Variants in C4orf17 observed in about 807,000 individuals in gnomAD.
C4orf17 encodes uncharacterized protein C4orf17.
In C4orf17, 25 loss-of-function variants were observed where a neutral mutation model predicts 32.0. The ratio of observed to expected loss-of-function variants is 0.78; its 90% confidence interval spans 0.57 to 1.09. C4orf17 has a LOEUF of 1.09. Among genes scored for constraint, C4orf17 ranks in the 50% least tolerant of loss-of-function variants. The pLI is 0.00. For synonymous variants in C4orf17, 149 were observed against 145.8 expected (o/e 1.02, Z -0.16); for missense variants, 420 against 420.0 (o/e 1.00, Z 0.00).
intron 5 of C4orf17, among the ~76,000 whole-genome samples, chr4:99,530,907 C>T (rs1723467644): frequency 6.6e-6 from 1 of 152,084 alleles, no homozygotes; most frequent in South Asian, 2.1e-4. Flanking sequence ...TTCAGAACCA[C>T]TGTTTCACCT....
chr4:99,512,002 G>A (rs2110163424), intron 1 of C4orf17, among the ~76,000 whole-genome samples: 1 of 152,210 alleles, frequency 6.6e-6, no homozygotes, highest in Non-Finnish European at 1.5e-5. Flanking sequence ...TACAGTCTAA[G>A]TATATAGCAT....
At chr4:99,540,617 T>A (rs371225392) in intron 8 of C4orf17, 162 bp downstream of exon 8, 6 of 546,914 alleles carry the variant, frequency 1.1e-5, no homozygotes, top group African/African-American at 9.6e-5. Context: ...TACTTTCTCA[T>A]AAAGATAAAT....
intron 4 of C4orf17, among the ~76,000 whole-genome samples, chr4:99,529,611 A>G (rs1435746540): frequency 1.3e-5 from 2 of 152,192 alleles, no homozygotes; most frequent in Non-Finnish European, 2.9e-5. Flanking sequence ...GTTTAAAATG[A>G]TTTCATCAAA....
chr4:99,525,602 G>C (rs1723373833), intron 4 of C4orf17, among the ~76,000 whole-genome samples: 1 of 152,044 alleles, frequency 6.6e-6, no homozygotes, highest in Non-Finnish European at 1.5e-5. Context: ...AGACCATCCT[G>C]GCCAACATGG....
chr4:99,530,522 C>T (rs539364833), intron 5 of C4orf17, among the ~76,000 whole-genome samples: 1 of 130,576 alleles, frequency 7.7e-6, no homozygotes, highest in South Asian at 2.5e-4. Flanking sequence ...TATTTGTCAT[C>T]TGCCATTTTT....
intron 5 of C4orf17, among the ~76,000 whole-genome samples, chr4:99,531,806 C>T (rs1476512440): frequency 3.9e-5 from 6 of 152,130 alleles, no homozygotes; most frequent in South Asian, 2.1e-4. Flanking sequence ...AAAAGAGCCC[C>T]GGAAATACTG....
chr4:99,533,255 G>C (rs1376645250), intron 5 of C4orf17, among the ~76,000 whole-genome samples: 1 of 152,174 alleles, frequency 6.6e-6, no homozygotes, highest in East Asian at 1.9e-4. Flanking sequence ...ACAATATGCA[G>C]ATTAATTTGG....
In C4orf17 at chr4:99,539,154, T is replaced by G. The variant is rs1035500717; in HGVS notation, c.629-9T>G. 12 of 1,613,088 alleles carry G rather than the reference T, an allele frequency of 7.4e-6. No homozygotes were observed. In the Admixed American group the frequency reaches 2.0e-4, roughly 27 times the overall value. Reference sequence around the variant, plus strand: ...CACTCCTCCCACCCTTTTTTGTCTTTTAAACCAGAAAAAGAGTGGGTCTCA... The same window carrying G: ...CACTCCTCCCACCCTTTTTTGTCTTGTAAACCAGAAAAAGAGTGGGTCTCA... On this transcript the variant is annotated splice_polypyrimidine_tract_variant and intron_variant, in intron 6 of 8. Transcript: ENST00000326581.
intron 2 of C4orf17, among the ~76,000 whole-genome samples, chr4:99,515,762 T>A (rs1723170386): frequency 6.6e-6 from 1 of 150,484 alleles, no homozygotes; most frequent in African/African-American, 2.5e-5. Context: ...CCAAAAACAT[T>A]GAAATAAAAA....
intron 2 of C4orf17, among the ~76,000 whole-genome samples, chr4:99,514,163 G>A (rs774522029): frequency 1.5e-4 from 23 of 152,048 alleles, no homozygotes; most frequent in Admixed American, 1.4e-3. Context: ...GACAGAAAAA[G>A]TGATAATAAA....
rs1263042798 is a variant in C4orf17, at chr4:99,524,524, C to T, written c.341C>T (p.Pro114Leu). The T allele has an allele frequency of 1.9e-6, 3 of 1,586,646 alleles. No homozygotes were observed. Among genetic ancestry groups the T allele is most frequent in the Non-Finnish European group, 2.6e-6 (3 of 1,157,700 alleles). The change falls in exon 4 of 9, where the codon CCC becomes CTC. Residue 114 changes from proline to leucine, a missense_variant. Transcript: ENST00000326581. ...AKVPPRPHSE[P>L]SRKIKECFKT... ...TTTTTCCTCAATTTTATTTCAGAGCCCAGTAGAAAAATTAAAGAGTGCTTC... is the reference window on the plus strand; with the variant it reads ...TTTTTCCTCAATTTTATTTCAGAGCTCAGTAGAAAAATTAAAGAGTGCTTC...
In C4orf17 at chr4:99,531,506, G is replaced by A. The variant is rs114936528; in HGVS notation, c.546+1548G>A. ...TGATCCTATAGAGCTGGCTTTCTGG[G>A]CATCTATGAAAGAGCCCTCCTCTCA... On this transcript the variant is annotated intron_variant, in intron 5 of 8. Transcript: ENST00000326581. Among the ~76,000 whole-genome samples, 815 of 152,176 alleles carry A rather than the reference G, an allele frequency of 5.4e-3. 5 individuals are homozygous for A. Among genetic ancestry groups the A allele is most frequent in the Non-Finnish European group, 8.9e-3 (606 of 67,956 alleles).
At position 99,513,226 on chromosome 4, in the gene C4orf17, C is replaced by G; in HGVS notation, c.127+18C>G. 1 of 1,613,360 alleles carries G rather than the reference C, an allele frequency of 6.2e-7. No individual in the cohort carries two copies. Among genetic ancestry groups the G allele is most frequent in the South Asian group, 1.1e-5 (1 of 91,046 alleles). ...CATCAAAGGTAAGGTGACTTAAGGT[C>G]CTAGTATGTGTCTCTATTCTCTACA... On this transcript the variant is annotated intron_variant, in intron 2 of 8. Coordinates refer to ENST00000326581, the MANE Select transcript of C4orf17 (RefSeq NM_032149.3).
intron 5 of C4orf17, among the ~76,000 whole-genome samples, chr4:99,530,286 C>T (rs985996230): frequency 6.6e-6 from 1 of 152,056 alleles, no homozygotes; most frequent in African/African-American, 2.4e-5. Flanking sequence ...AATGTCTTGC[C>T]GCAATCTATA....
chr4:99,532,308 C>T (rs1723489704), intron 5 of C4orf17, among the ~76,000 whole-genome samples: 1 of 152,094 alleles, frequency 6.6e-6, no homozygotes, highest in South Asian at 2.1e-4. Context: ...CCTCAGTGCC[C>T]ATCAGTGATG....
At chr4:99,523,953 T>C (rs1723339114) in intron 3 of C4orf17, among the ~76,000 whole-genome samples, 1 of 150,792 alleles carries the variant, frequency 6.6e-6, no homozygotes, top group South Asian at 2.1e-4. Flanking sequence ...CAGAGAAAAA[T>C]ATGTCTTATA....
In C4orf17 at chr4:99,529,873, C is replaced by T; in HGVS notation, c.461C>T (p.Ser154Phe). ...SPPKACSTPG[S>F]CSSGMTSTKN... ...CCAAAGGCATGCTCTACTCCTGGCT[C>T]CTGTTCTTCAGGGATGACAAGTACC... Residue 154 changes from serine to phenylalanine, a missense_variant, in exon 5 of 9, where the codon TCC (serine) becomes TTC (phenylalanine). Coordinates refer to ENST00000326581, the MANE Select transcript of C4orf17 (RefSeq NM_032149.3). 6.2e-7 allele frequency: 1 copy of T among 1,612,734 alleles called. No homozygotes were observed. The highest frequency in any genetic ancestry group is 8.5e-7 in the Non-Finnish European group (1 of 1,179,452).
chr4:99,518,955 G>A (rs115147563), intron 2 of C4orf17, among the ~76,000 whole-genome samples: 1,635 of 152,074 alleles, frequency 0.011, 31 homozygotes, highest in African/African-American at 0.037. Context: ...TCATAGTACT[G>A]TATATTTTTC....
intron 2 of C4orf17, among the ~76,000 whole-genome samples, 153 bp from the exon 3 acceptor site, chr4:99,522,347 A>ATTTT (rs34420658): frequency 6.1e-5 from 9 of 148,354 alleles, no homozygotes; most frequent in African/African-American, 2.0e-4. Context: ...TCATAATACA[A>ATTTT]TTTTTTTTTT....
Sources: gnomAD v4.1 joint callset for allele counts (sites outside exome capture counted in the v4.1 genomes callset) on GRCh38, gnomAD v4.1.1 for gene constraint, MANE v1.5 for transcripts, NCBI Gene and HGNC (gene_info 2026-07-23, HGNC 2026-07-21) for gene names.